The following CDH13 variants were observed in gnomAD, a reference collection of about 807,000 sequenced individuals.
CDH13 encodes the protein cadherin-13.
A neutral mutation model predicts 63.8 loss-of-function variants in CDH13; 24 were observed. The observed-to-expected ratio is 0.38, with a 90% CI of 0.27 to 0.53. The LOEUF (loss-of-function observed/expected upper bound fraction) is 0.53. Among genes scored for constraint, CDH13 ranks in the 20% least tolerant of loss-of-function variants. The pLI is 0.85. For synonymous variants in CDH13, 503 were observed against 355.3 expected, an observed-to-expected ratio of 1.42 and a Z score of -4.67; for missense variants, 1,049 against 903.1, an observed-to-expected ratio of 1.16 and a Z score of -2.07.
At chr16:83,606,418 T>G (rs1194758774) in intron 8 of CDH13, among the ~76,000 whole-genome samples, 1 of 152,148 alleles carries the variant, frequency 6.6e-6, no homozygotes, top group Non-Finnish European at 1.5e-5. Context: ...TTGAACAAAA[T>G]AGAGGTAGTT....
chr16:82,968,139 G>T (rs866317630), intron 2 of CDH13, among the ~76,000 whole-genome samples: 1 of 152,070 alleles, frequency 6.6e-6, no homozygotes, highest in African/African-American at 2.4e-5. Flanking sequence ...TGGTTTTATG[G>T]GTTCTTTTTT....
intron 5 of CDH13, among the ~76,000 whole-genome samples, chr16:83,285,714 G>A (rs1359140135): frequency 6.6e-6 from 1 of 152,116 alleles, no homozygotes; most frequent in African/African-American, 2.4e-5. Flanking sequence ...CCAGGATTTT[G>A]GTGTTTGTGG....
intron 2 of CDH13, among the ~76,000 whole-genome samples, chr16:82,963,261 C>G (rs755386289): frequency 1.5e-4 from 22 of 151,720 alleles, no homozygotes; most frequent in Non-Finnish European, 2.4e-4. Flanking sequence ...CACCTGTAAT[C>G]CCAGCTACTA....
intron 1 of CDH13, among the ~76,000 whole-genome samples, chr16:82,854,706 C>G (rs16958771): frequency 6.6e-6 from 1 of 152,118 alleles, no homozygotes; most frequent in Non-Finnish European, 1.5e-5. Flanking sequence ...TGTGGTTTTG[C>G]TTTCCTTGAT....
intron 4 of CDH13, among the ~76,000 whole-genome samples, chr16:83,155,253 A>G (rs2037160692): frequency 1.3e-5 from 2 of 150,696 alleles, no homozygotes; most frequent in South Asian, 2.1e-4. Flanking sequence ...GTAGGTCTGG[A>G]TGGAGGTAGA....
chr16:83,065,758 G>T (rs2031960997), intron 3 of CDH13, among the ~76,000 whole-genome samples: 1 of 151,530 alleles, frequency 6.6e-6, no homozygotes, highest in Non-Finnish European at 1.5e-5. Flanking sequence ...CTACTTTTAG[G>T]TTCTCGCTCT....
rs183654205 is a variant in CDH13 at position 83,136,928 on chromosome 16, C to T, written c.483+11427C>T. Among the ~76,000 whole-genome samples the T allele has an allele frequency of 1.3e-4, 20 of 152,328 alleles. No homozygotes were observed. In the East Asian group the frequency reaches 2.1e-3, roughly 16 times the overall value. ...GTTTGCAGCTACTTTGGCATAAATT[C>T]TCCCACAGCGGCCAGTTTCAAGCTA... On this transcript the variant is annotated intron_variant, in intron 4 of 13. Transcript: ENST00000567109.
intron 3 of CDH13, among the ~76,000 whole-genome samples, chr16:83,089,672 A>G (rs2033798191): frequency 6.6e-6 from 1 of 152,068 alleles, no homozygotes. Context: ...TAGATGAGGG[A>G]TGTAATGAAT....
At chr16:83,428,240 A>G (rs963481120) in intron 6 of CDH13, among the ~76,000 whole-genome samples, 1 of 152,222 alleles carries the variant, frequency 6.6e-6, no homozygotes, top group African/African-American at 2.4e-5. Context: ...GAGGGATTCA[A>G]TGACTGAGAA....
chr16:83,226,209 C>T (rs547907679), intron 5 of CDH13, among the ~76,000 whole-genome samples: 63 of 152,152 alleles, frequency 4.1e-4, no homozygotes, highest in Non-Finnish European at 5.7e-4. Flanking sequence ...TATTACAACC[C>T]GGCCTTATCT....
chr16:83,752,863 G>C (rs959746008), intron 11 of CDH13, among the ~76,000 whole-genome samples: 2 of 152,208 alleles, frequency 1.3e-5, no homozygotes, highest in Non-Finnish European at 1.5e-5. Flanking sequence ...CCACCCAGGT[G>C]GGGGTTTCAG....
At chr16:83,776,867 C>A (rs1283173999) in intron 11 of CDH13, among the ~76,000 whole-genome samples, 2 of 152,192 alleles carry the variant, frequency 1.3e-5, no homozygotes, top group Non-Finnish European at 2.9e-5. Context: ...GAACTTTCAC[C>A]CTGGGTAACC....
At chr16:82,979,762 T>C (rs576962218) in intron 2 of CDH13, among the ~76,000 whole-genome samples, 4 of 152,254 alleles carry the variant, frequency 2.6e-5, no homozygotes, top group Admixed American at 1.3e-4. Context: ...GAGTATGTGG[T>C]GAGCTTTTTC....
rs142496358 is a variant in CDH13, at chr16:83,453,046, AG to A, written c.782-33429del. ...GATGGAATACTACTCAGCCCTAAAA[AG>A]GAATGAATTGATGGCATTCACAGCC... On this transcript the variant is annotated intron_variant, in intron 6 of 13. Coordinates refer to ENST00000567109, the MANE Select transcript of CDH13 (RefSeq NM_001257.5). Among the ~76,000 whole-genome samples, 391 of 152,342 alleles carry A rather than the reference AG, an allele frequency of 2.6e-3. 1 individual carries two copies. The highest frequency in any genetic ancestry group is 9.2e-3 in the African/African-American group (383 of 41,576).
At chr16:83,243,529 G>A (rs1904686760) in intron 5 of CDH13, among the ~76,000 whole-genome samples, 2 of 152,136 alleles carry the variant, frequency 1.3e-5, no homozygotes, top group East Asian at 3.9e-4. Flanking sequence ...TTCAAGATGA[G>A]ATTTGGGTGG....
At chr16:83,719,917 G>A (rs148960554) in intron 10 of CDH13, among the ~76,000 whole-genome samples, 5 of 152,316 alleles carry the variant, frequency 3.3e-5, no homozygotes, top group African/African-American at 1.2e-4. Flanking sequence ...ATAGGGGACA[G>A]TGGGGTCAGA....
intron 7 of CDH13, among the ~76,000 whole-genome samples, chr16:83,498,742 G>A (rs2074204638): frequency 6.6e-6 from 1 of 152,192 alleles, no homozygotes. Context: ...TAAGCTTGCA[G>A]AATAAATAGA....
intron 2 of CDH13, among the ~76,000 whole-genome samples, chr16:82,943,573 G>C (rs1018390148): frequency 1.3e-5 from 2 of 152,170 alleles, no homozygotes; most frequent in Non-Finnish European, 2.9e-5. Context: ...TGATGAGTTG[G>C]CTTTTATTAG....
intron 8 of CDH13, among the ~76,000 whole-genome samples, chr16:83,656,600 C>G (rs1043497911): frequency 6.6e-6 from 1 of 152,182 alleles, no homozygotes; most frequent in African/African-American, 2.4e-5. Context: ...AAAAGTCAAC[C>G]AGATCCAGGC....
Sources: allele counts gnomAD v4.1 joint callset (sites outside exome capture counted in the v4.1 genomes callset), GRCh38; gene constraint gnomAD v4.1.1; transcripts MANE v1.5; gene names NCBI Gene and HGNC (gene_info 2026-07-23, HGNC 2026-07-21).